The following EFHC2 variants were observed in gnomAD, a reference collection of about 807,000 sequenced individuals.
EFHC2 encodes the protein EF-hand domain-containing family member C2.
EFHC2 carries 18 observed loss-of-function variants against 52.7 expected under a neutral mutation model. The observed-to-expected ratio is 0.34, with a 90% CI of 0.24 to 0.51. The LOEUF (loss-of-function observed/expected upper bound fraction) is 0.51, where lower values mean the gene tolerates loss of function less well. EFHC2 is among the 20% of genes least tolerant of loss of function. EFHC2 has a pLI of 0.97. For missense variants in EFHC2, 513 were observed against 562.5 expected (o/e 0.91, Z 0.89); for synonymous variants, 203 against 204.1 (o/e 0.99, Z 0.04).
chrX:44,335,591 GTTA>G (rs953692717), intron 1 of EFHC2, among the ~76,000 whole-genome samples: 60 of 111,173 alleles, frequency 5.4e-4, no homozygotes, highest in Non-Finnish European at 6.0e-4. Flanking sequence ...TGTTAATAAT[GTTA>G]TTATTAATTA....
intron 7 of EFHC2, among the ~76,000 whole-genome samples, chrX:44,247,521 T>C (rs1301752163): frequency 9.0e-6 from 1 of 111,512 alleles, no homozygotes; most frequent in Non-Finnish European, 1.9e-5. Flanking sequence ...GCAAGTCCCA[T>C]CAATTCCTAG....
intron 2 of EFHC2, among the ~76,000 whole-genome samples, chrX:44,279,322 C>T (rs778851397): frequency 2.7e-5 from 3 of 111,070 alleles, no homozygotes; most frequent in Non-Finnish European, 3.8e-5. Flanking sequence ...CCAGCCTGGG[C>T]GAAAGAATGA....
At chrX:44,238,621 G>T (rs768540479) in intron 8 of EFHC2, among the ~76,000 whole-genome samples, 1 of 110,812 alleles carries the variant, frequency 9.0e-6, no homozygotes, top group African/African-American at 3.3e-5. Context: ...TCGGCCTCCC[G>T]GATGCTCCTT....
rs760731403 is a variant in EFHC2, at chrX:44,178,363, T to C, written c.1949+4A>G. 6.9e-6 allele frequency: 8 copies of C among 1,166,003 alleles called. No individual in the cohort carries two copies. The South Asian group carries it at 1.2e-4, about 17-fold the overall frequency. The stretch of plus-strand genomic sequence containing the variant: ...TGATTAGAATCAATAAAACAAAAGC[T>C]TACTTTTCTCGATCTTCATACACAC... On this transcript the variant is annotated splice_donor_region_variant and intron_variant, in intron 12 of 14. Coordinates refer to ENST00000420999, the MANE Select transcript of EFHC2 (RefSeq NM_025184.4).
At position 44,328,818 on chromosome X, in the gene EFHC2, T is replaced by G. The variant is rs774628784; in HGVS notation, c.42+14729A>C. 7.1e-4 allele frequency among the ~76,000 whole-genome samples: 79 copies of G among 111,349 alleles called. 1 individual carries two copies. The highest frequency in any genetic ancestry group is 2.6e-3 in the Admixed American group (27 of 10,459). ...GCTTTCCGCAACCAGTCAAACTGAT[T>G]GCTGGGCCACTACTTCATTTACATA... On this transcript the variant is annotated intron_variant, in intron 1 of 14. Transcript: ENST00000420999.
At position 44,196,818 on chromosome X, in the gene EFHC2, C is replaced by T. The variant is rs190670649; in HGVS notation, c.1752-18254G>A. Among the ~76,000 whole-genome samples the T allele has an allele frequency of 1.6e-3, 177 of 112,238 alleles. 1 individual carries two copies. The highest frequency in any genetic ancestry group is 5.2e-3 in the African/African-American group (161 of 30,919). On this transcript the variant is annotated intron_variant, in intron 11 of 14. Transcript: ENST00000420999. ...GCATATGTTAATTCATCTAACGCCC[C>T]CAGTAAGCCATTGAATGATTCTCAT...
At chrX:44,304,741 C>G (rs2037891751) in intron 2 of EFHC2, among the ~76,000 whole-genome samples, 1 of 108,919 alleles carries the variant, frequency 9.2e-6, no homozygotes, top group East Asian at 2.9e-4. Context: ...ATTCTTTTGC[C>G]TGTTTTTAGA....
intron 11 of EFHC2, among the ~76,000 whole-genome samples, chrX:44,206,208 C>T (rs1483863302): frequency 9.0e-6 from 1 of 111,612 alleles, no homozygotes; most frequent in Non-Finnish European, 1.9e-5. Flanking sequence ...CTGTGGGATA[C>T]AGTAAAAGCA....
Position 44,246,669 on chromosome X carries a change from C to T in EFHC2, c.1111+1603G>A, listed in dbSNP as rs112989349. ...GATTTGGAGCACACCAGGGAATTCA[C>T]ACTGCCTCAAAAAATTTTCTAGAGA... On this transcript the variant is annotated intron_variant, in intron 7 of 14. Transcript: ENST00000420999. 6.7e-3 allele frequency among the ~76,000 whole-genome samples: 742 copies of T among 111,233 alleles called. 11 individuals are homozygous for T. The highest frequency in any genetic ancestry group is 0.023 in the African/African-American group (695 of 30,582).
chrX:44,193,364 T>C lies in EFHC2; in HGVS notation c.1752-14800A>G, dbSNP rs1166649143. ...AAACCAAGCTGTGCCCTGATCTACG[T>C]TGGGCACATGTCTCGGGACCTCCTC... On this transcript the variant is annotated intron_variant, in intron 11 of 14. Transcript: ENST00000420999. Among the ~76,000 whole-genome samples the C allele has an allele frequency of 2.8e-5, 3 of 108,409 alleles. No homozygotes were observed. In the Admixed American group the frequency reaches 3.0e-4, roughly 11 times the overall value. The allele number at this position is 108,409 out of a possible 115,157, so 94.1% of individuals were successfully genotyped here. A position where few individuals can be genotyped will look rare whatever the true frequency, so the allele number is the denominator to read the frequency against.
intron 4 of EFHC2, 43 bp downstream of exon 4, chrX:44,261,032 T>C: frequency 8.9e-7 from 1 of 1,128,647 alleles, no homozygotes; most frequent in Non-Finnish European, 1.2e-6. Flanking sequence ...CCAAAGGGAT[T>C]TTTATTTTGA....
chrX:44,148,345 T>A lies in EFHC2; in HGVS notation c.*450A>T. 8.5e-6 allele frequency: 1 copy of A among 118,311 alleles called. No homozygotes were observed. Among genetic ancestry groups the A allele is most frequent in the Non-Finnish European group, 1.7e-5 (1 of 58,733 alleles). 9.8% of individuals were successfully genotyped at this position (118,311 alleles called of 1,213,427 possible). A position where few individuals can be genotyped will look rare whatever the true frequency, so the allele number is the denominator to read the frequency against. Reference sequence around the variant, plus strand: ...AGGTTTAAGAATTATTTTGATGAGGTGGGTTGCTACAAAACTTAATTATGT... The same window carrying A: ...AGGTTTAAGAATTATTTTGATGAGGAGGGTTGCTACAAAACTTAATTATGT... On this transcript the variant is annotated 3_prime_UTR_variant, in exon 15 of 15. Transcript: ENST00000420999.
intron 2 of EFHC2, among the ~76,000 whole-genome samples, chrX:44,282,819 G>C (rs2037716784): frequency 9.0e-6 from 1 of 110,585 alleles, no homozygotes; most frequent in Admixed American, 9.6e-5. Context: ...TGGAGGGGAG[G>C]AACAAAAAGC....
In EFHC2 at chrX:44,163,323, C is replaced by T. The variant is rs2036671674; in HGVS notation, c.2148+599G>A. ...AAAATACAAACAAACCACCACCCAC[C>T]CACCCACTTCTTAAAGACAATTAGT... On this transcript the variant is annotated intron_variant, in intron 14 of 14. Transcript: ENST00000420999. Among the ~76,000 whole-genome samples, 2 of 112,041 alleles carry T rather than the reference C, an allele frequency of 1.8e-5. 1 individual carries two copies.
At chrX:44,178,327 A>T in intron 12 of EFHC2, 40 bp downstream of exon 12, 3 of 1,104,449 alleles carry the variant, frequency 2.7e-6, no homozygotes, top group Non-Finnish European at 2.4e-6. Flanking sequence ...TCAGGTTCAC[A>T]GAAATGTAAA....
chrX:44,341,893 C>A (rs1160329191), intron 1 of EFHC2, among the ~76,000 whole-genome samples: 1 of 112,512 alleles, frequency 8.9e-6, no homozygotes, highest in Non-Finnish European at 1.9e-5. Context: ...TTCATCCATC[C>A]ACTGTTTTTC....
At chrX:44,295,468 AG>A (rs749679998) in intron 2 of EFHC2, among the ~76,000 whole-genome samples, 15 of 111,825 alleles carry the variant, frequency 1.3e-4, no homozygotes, top group Admixed American at 9.5e-4. Flanking sequence ...GGGGGAGCAA[AG>A]GAGATGAGAC....
intron 1 of EFHC2, among the ~76,000 whole-genome samples, chrX:44,319,043 G>A (rs929080962): frequency 1.5e-3 from 146 of 99,659 alleles, no homozygotes; most frequent in Admixed American, 2.8e-3. Context: ...CACTCTTGTC[G>A]CCCAGGCCGG....
In EFHC2 at chrX:44,248,875, A is replaced by G; in HGVS notation, c.900T>C (p.Asp300=). The change falls in exon 6 of 15, where the codon GAT becomes GAC. Residue 300 remains aspartate, a synonymous_variant. Transcript: ENST00000420999. Reference sequence around the variant, plus strand: ...CACCATATGAATTGAGAACTGCTCGATCTGTTATCTGGCCTGGTTGATAGA... The same window carrying G: ...CACCATATGAATTGAGAACTGCTCGGTCTGTTATCTGGCCTGGTTGATAGA... The part of the protein sequence containing the change: ...PRVYQPGQIT[D]RAVLNSYGDF... 1 of 1,208,283 alleles carries G rather than the reference A, an allele frequency of 8.3e-7. No individual in the cohort carries two copies. The highest frequency in any genetic ancestry group is 1.1e-6 in the Non-Finnish European group (1 of 894,090).
Sources: gnomAD v4.1 joint callset for allele counts (sites outside exome capture counted in the v4.1 genomes callset) on GRCh38, gnomAD v4.1.1 for gene constraint, MANE v1.5 for transcripts, NCBI Gene and HGNC (gene_info 2026-07-23, HGNC 2026-07-21) for gene names.